GPC5: variants seen among roughly 807,000 people sequenced by gnomAD.
GPC5 encodes glypican-5.
In GPC5, 47 loss-of-function variants were observed where a neutral mutation model predicts 53.9. The ratio of observed to expected loss-of-function variants is 0.87; its 90% CI spans 0.69 to 1.11. The LOEUF (loss-of-function observed/expected upper bound fraction) is 1.11. Among genes scored for constraint, GPC5 ranks in the 50% most tolerant of loss-of-function variants. The probability of loss-of-function intolerance (pLI) is 0.00; values close to 1 mark genes in which losing one functional copy is unlikely to be tolerated. For synonymous variants in GPC5, 286 were observed against 263.3 expected, an observed-to-expected ratio of 1.09 and a Z score of -0.84; for missense variants, 748 against 713.1, an observed-to-expected ratio of 1.05 and a Z score of -0.56.
intron 7 of GPC5, among the ~76,000 whole-genome samples, chr13:92,844,588 A>C (rs1021904339): frequency 6.6e-6 from 1 of 152,102 alleles, no homozygotes; most frequent in Non-Finnish European, 1.5e-5. Flanking sequence ...GTGTATTTAC[A>C]CAAATGCTTA....
At chr13:91,666,313 T>C (rs1231020057) in intron 2 of GPC5, among the ~76,000 whole-genome samples, 1 of 152,210 alleles carries the variant, frequency 6.6e-6, no homozygotes, top group Non-Finnish European at 1.5e-5. Flanking sequence ...TCAATACATA[T>C]AAGCTGTGAG....
chr13:91,721,015 A>G (rs978569048), intron 3 of GPC5, among the ~76,000 whole-genome samples: 2 of 152,138 alleles, frequency 1.3e-5, no homozygotes, highest in Non-Finnish European at 2.9e-5. Context: ...AAAACTTCAT[A>G]GCTGGATTCA....
At chr13:92,612,798 TACTC>T (rs1192482467) in intron 7 of GPC5, among the ~76,000 whole-genome samples, 3 of 152,152 alleles carry the variant, frequency 2.0e-5, no homozygotes, top group African/African-American at 7.2e-5. Flanking sequence ...ACAAAAATGA[TACTC>T]AAATAAGATA....
chr13:92,409,811 A>C (rs1875963435), intron 7 of GPC5, among the ~76,000 whole-genome samples: 1 of 152,212 alleles, frequency 6.6e-6, no homozygotes, highest in Non-Finnish European at 1.5e-5. Context: ...GACATATTTG[A>C]ATAAATTATG....
chr13:92,069,690 G>A (rs2041195568), intron 6 of GPC5, among the ~76,000 whole-genome samples: 1 of 151,882 alleles, frequency 6.6e-6, no homozygotes, highest in African/African-American at 2.4e-5. Context: ...TATAATAATG[G>A]CTTCATTTAC....
intron 6 of GPC5, among the ~76,000 whole-genome samples, chr13:91,955,023 C>T (rs879069769): frequency 1.3e-5 from 2 of 151,978 alleles, no homozygotes; most frequent in Admixed American, 6.5e-5. Flanking sequence ...ATTAATCTAA[C>T]TGAAGATATA....
chr13:92,547,454 G>A (rs1882158710), intron 7 of GPC5, among the ~76,000 whole-genome samples: 3 of 152,150 alleles, frequency 2.0e-5, no homozygotes, highest in South Asian at 4.1e-4. Flanking sequence ...AGTCACTGGA[G>A]GCAGATGTGG....
chr13:91,796,923 A>G (rs1302600277), intron 5 of GPC5, among the ~76,000 whole-genome samples: 1 of 151,904 alleles, frequency 6.6e-6, no homozygotes, highest in African/African-American at 2.4e-5. Flanking sequence ...TAAAATTAGT[A>G]TTTTTCCTTT....
Position 91,577,184 on chromosome 13 carries a change from A to G in GPC5, c.326-116003A>G, listed in dbSNP as rs901578994. ...TGACTGAAGGGTTGGATGATTGTGG[A>G]CTTCCTTTTAGCCGCTTAGCTGTCA... is the stretch of plus-strand genomic sequence containing the variant. On this transcript the variant is annotated intron_variant, in intron 2 of 7. Coordinates refer to ENST00000377067, the MANE Select transcript of GPC5 (RefSeq NM_004466.6). 6.6e-5 allele frequency among the ~76,000 whole-genome samples: 10 copies of G among 152,306 alleles called. No individual in the cohort carries two copies. The South Asian group carries it at 1.7e-3, about 25-fold the overall frequency.
In GPC5 at chr13:92,027,599, G is replaced by C. The variant is rs143542042; in HGVS notation, c.1402-117231G>C. ...AATGTCTCTGTAAGTCTCTGGGGTAGGGATTATTATAGCTATTTAACAGTT... is the reference window on the plus strand; with the variant it reads ...AATGTCTCTGTAAGTCTCTGGGGTACGGATTATTATAGCTATTTAACAGTT... On this transcript the variant is annotated intron_variant, in intron 6 of 7. Coordinates refer to ENST00000377067, the MANE Select transcript of GPC5 (RefSeq NM_004466.6). Among the ~76,000 whole-genome samples the C allele has an allele frequency of 2.0e-3, 303 of 152,236 alleles. 1 individual carries two copies. The highest frequency in any genetic ancestry group is 7.1e-3 in the African/African-American group (295 of 41,550).
chr13:92,767,307 C>A (rs1006877687), intron 7 of GPC5, among the ~76,000 whole-genome samples: 5 of 152,002 alleles, frequency 3.3e-5, no homozygotes, highest in Admixed American at 3.3e-4. Context: ...CCCGTCTCTG[C>A]TAAAACTACA....
chr13:91,833,500 A>G (rs149847182), intron 5 of GPC5, among the ~76,000 whole-genome samples: 1,666 of 152,298 alleles, frequency 0.011, 16 homozygotes, highest in Non-Finnish European at 0.019. Flanking sequence ...AAAATCCTCA[A>G]TAAAATACTG....
At chr13:92,248,506 A>T (rs1299444026) in intron 7 of GPC5, among the ~76,000 whole-genome samples, 2 of 152,170 alleles carry the variant, frequency 1.3e-5, no homozygotes, top group Non-Finnish European at 2.9e-5. Context: ...CAGTTTTCTC[A>T]TCTGTAAAAT....
In GPC5 at chr13:92,406,070, A is replaced by G. The variant is rs1226027605; in HGVS notation, c.1561+261081A>G. 3.3e-5 allele frequency among the ~76,000 whole-genome samples: 5 copies of G among 152,156 alleles called. 1 individual carries two copies. Among genetic ancestry groups the G allele is most frequent in the South Asian group, 2.1e-4 (1 of 4,820 alleles). ...TTGCGTATCTAAGGTCATTTTTTCT[A>G]TTTAACCTACTGTTCACCCTTTGTG... On this transcript the variant is annotated intron_variant, in intron 7 of 7. Transcript: ENST00000377067.
Position 92,069,586 on chromosome 13 carries a change from G to A in GPC5, c.1402-75244G>A, listed in dbSNP as rs139888729. ...CTTGACCCCAGGCTAATATCCAGTT[G>A]AATAAAAGGTGGTACTACTATTGAA... On this transcript the variant is annotated intron_variant, in intron 6 of 7. Coordinates refer to ENST00000377067, the MANE Select transcript of GPC5 (RefSeq NM_004466.6). 1.4e-4 allele frequency among the ~76,000 whole-genome samples: 22 copies of A among 152,114 alleles called. No homozygotes were observed. The East Asian group carries it at 2.9e-3, about 20-fold the overall frequency.
chr13:92,727,859 A>C (rs1888686941), intron 7 of GPC5, among the ~76,000 whole-genome samples: 1 of 151,302 alleles, frequency 6.6e-6, no homozygotes, highest in Non-Finnish European at 1.5e-5. Flanking sequence ...TTGGTCTTTC[A>C]ATCTGCATTT....
chr13:91,960,315 A>G (rs2040115160), intron 6 of GPC5, among the ~76,000 whole-genome samples: 1 of 151,972 alleles, frequency 6.6e-6, no homozygotes, highest in African/African-American at 2.4e-5. Context: ...CAAGAAAACA[A>G]TCTCACTTAC....
At chr13:92,303,745 A>G (rs1308271491) in intron 7 of GPC5, among the ~76,000 whole-genome samples, 1 of 152,224 alleles carries the variant, frequency 6.6e-6, no homozygotes, top group Admixed American at 6.5e-5. Flanking sequence ...AAAGCAAATG[A>G]TGAAGAAATA....
At chr13:92,822,173 GA>G (rs751666838) in intron 7 of GPC5, among the ~76,000 whole-genome samples, 7 of 151,964 alleles carry the variant, frequency 4.6e-5, no homozygotes, top group Non-Finnish European at 7.4e-5. Flanking sequence ...TAATACAGAG[GA>G]AAAGTTAGAT....
Sources: gnomAD v4.1 joint callset for allele counts (sites outside exome capture counted in the v4.1 genomes callset) on GRCh38, gnomAD v4.1.1 for gene constraint, MANE v1.5 for transcripts, NCBI Gene and HGNC (gene_info 2026-07-23, HGNC 2026-07-21) for gene names.